TFAP2B: variants seen among roughly 807,000 people sequenced by gnomAD.
TFAP2B encodes transcription factor AP-2 beta.
TFAP2B carries 9 observed loss-of-function variants against 44.3 expected under a neutral mutation model. The observed-to-expected ratio is 0.20, with a 90% CI of 0.12 to 0.35. The LOEUF (loss-of-function observed/expected upper bound fraction) is 0.35. Among genes scored for constraint, TFAP2B ranks in the 10% least tolerant of loss-of-function variants. The probability of loss-of-function intolerance (pLI) is 1.00; values close to 1 mark genes in which losing one functional copy is unlikely to be tolerated. For synonymous variants in TFAP2B, 270 were observed against 263.8 expected, an observed-to-expected ratio of 1.02 and a Z score of -0.23; for missense variants, 509 against 600.0, an observed-to-expected ratio of 0.85 and a Z score of 1.59.
At chr6:50,820,074 G>A (rs999667470) in intron 1 of TFAP2B, among the ~76,000 whole-genome samples, 2 of 152,010 alleles carry the variant, frequency 1.3e-5, no homozygotes, top group Non-Finnish European at 2.9e-5. Context: ...TAGAAAAGGA[G>A]GGAAGTCGAG....
intron 1 of TFAP2B, among the ~76,000 whole-genome samples, chr6:50,819,529 T>C (rs1157929455): frequency 6.6e-6 from 1 of 152,116 alleles, no homozygotes; most frequent in Non-Finnish European, 1.5e-5. Flanking sequence ...CGTAGCAGTT[T>C]ATTAGTTTCT....
In TFAP2B at chr6:50,823,330, T is replaced by C. The variant is rs577327152; in HGVS notation, c.82-77T>C. 297 of 1,279,772 alleles carry C rather than the reference T, an allele frequency of 2.3e-4. 2 individuals are homozygous for C. Among genetic ancestry groups the C allele is most frequent in the Non-Finnish European group, 7.3e-5 (66 of 900,722 alleles). The allele number at this position is 1,279,772 out of a possible 1,614,324, so 79.3% of individuals were successfully genotyped here. On this transcript the variant is annotated intron_variant, in intron 1 of 6. Transcript: ENST00000393655. ...ATTTTTTTTCTTCCTCTCTGTACTC[T>C]CTGTCTCTCTCTGCCTCTATCTCTC...
At chr6:50,837,429 C>T (rs564839487) in intron 4 of TFAP2B, among the ~76,000 whole-genome samples, 3 of 152,284 alleles carry the variant, frequency 2.0e-5, no homozygotes, top group South Asian at 4.1e-4. Context: ...CATAACTACA[C>T]TTCCAAAAGT....
Position 50,845,591 on chromosome 6 carries a change from T to C in TFAP2B, c.*2199T>C, listed in dbSNP as rs1224719013. On this transcript the variant is annotated 3_prime_UTR_variant, in exon 7 of 7. Coordinates refer to ENST00000393655, the MANE Select transcript of TFAP2B (RefSeq NM_003221.4). ...AGTGTAGTCACTCTCTTTTCCCAGC[T>C]CAGAGGCCTGCGCCTTCGTCCGAGA... The C allele has an allele frequency of 1.3e-5, 2 of 152,760 alleles. No homozygotes were observed. The highest frequency in any genetic ancestry group is 2.9e-5 in the Non-Finnish European group (2 of 68,186). 9.5% of individuals were successfully genotyped at this position (152,760 alleles called of 1,614,324 possible). A position where few individuals can be genotyped will look rare whatever the true frequency, so the allele number is the denominator to read the frequency against.
intron 3 of TFAP2B, 78 bp from the exon 4 acceptor site, chr6:50,835,983 C>A: frequency 8.4e-7 from 1 of 1,194,682 alleles, no homozygotes; most frequent in Non-Finnish European, 1.2e-6. Flanking sequence ...TGTGGCCTCA[C>A]ACAGAGACAC....
At chr6:50,819,842 GGGC>G (rs1770280900) in intron 1 of TFAP2B, among the ~76,000 whole-genome samples, 1 of 113,764 alleles carries the variant, frequency 8.8e-6, no homozygotes, top group South Asian at 2.7e-4. Context: ...CGGCCGAGGC[GGGC>G]GAGGTGGGAG....
intron 1 of TFAP2B, among the ~76,000 whole-genome samples, chr6:50,819,878 G>T (rs1317957879): frequency 1.3e-5 from 2 of 151,712 alleles, no homozygotes; most frequent in African/African-American, 2.4e-5. Context: ...TGGGAGAGGC[G>T]GCCGAGGCGG....
Position 50,823,827 on chromosome 6 carries a change from C to T in TFAP2B, c.502C>T (p.Leu168=), listed in dbSNP as rs1770428720. 6.4e-7 allele frequency: 1 copy of T among 1,567,256 alleles called. No homozygotes were observed. The highest frequency in any genetic ancestry group is 8.6e-7 in the Non-Finnish European group (1 of 1,156,710). ...CGCGGGCATGGGTGACAGCCTCTCG[C>T]TGCACGGCCTCGGCCATCCCGGAAT... ...LDAGMGDSLS[L]HGLGHPGMED... is the part of the protein sequence containing the mutation. Residue 168 remains leucine, a synonymous_variant, in exon 2 of 7, where the codon CTG becomes TTG. Coordinates refer to ENST00000393655, the MANE Select transcript of TFAP2B (RefSeq NM_003221.4).
At position 50,840,377 on chromosome 6, in the gene TFAP2B, G is replaced by A. The variant is rs1436586452; in HGVS notation, c.1082+80G>A. 8.3e-6 allele frequency: 13 copies of A among 1,567,908 alleles called. No homozygotes were observed. In the Admixed American group the frequency reaches 8.3e-5, roughly 10 times the overall value. On this transcript the variant is annotated intron_variant, in intron 6 of 6. Coordinates refer to ENST00000393655, the MANE Select transcript of TFAP2B (RefSeq NM_003221.4). ...GACTTTGGAGTAGGTGGTGGGGAGG[G>A]GCAGAGAAAGAAGCCAGAGGGTTGT...
chr6:50,829,742 T>A (rs180826848), intron 3 of TFAP2B, among the ~76,000 whole-genome samples: 152 of 152,228 alleles, frequency 1.0e-3, no homozygotes, highest in Non-Finnish European at 1.8e-3. Flanking sequence ...CAGACTCAAA[T>A]GGGATAGTAG....
Position 50,845,130 on chromosome 6 carries a change from A to C in TFAP2B, c.*1738A>C, listed in dbSNP as rs1001704206. On this transcript the variant is annotated 3_prime_UTR_variant, in exon 7 of 7. Coordinates refer to ENST00000393655, the MANE Select transcript of TFAP2B (RefSeq NM_003221.4). ...AGCAGTGAGAAATTATCCCGGGATA[A>C]GGGTGAATGAGAGAGGTCTCTAAAT... 2 of 152,220 alleles carry C rather than the reference A, an allele frequency of 1.3e-5. No homozygotes were observed. Among genetic ancestry groups the C allele is most frequent in the Admixed American group, 6.5e-5 (1 of 15,284 alleles). 9.4% of individuals were successfully genotyped at this position (152,220 alleles called of 1,614,324 possible).
intron 3 of TFAP2B, among the ~76,000 whole-genome samples, chr6:50,834,934 A>G (rs990486731): frequency 2.0e-5 from 3 of 152,216 alleles, no homozygotes; most frequent in African/African-American, 7.2e-5. Context: ...TGTAAAACCT[A>G]CATAAAGAAA....
chr6:50,825,817 C>T (rs915962171), intron 2 of TFAP2B, among the ~76,000 whole-genome samples: 1 of 152,134 alleles, frequency 6.6e-6, no homozygotes, highest in African/African-American at 2.4e-5. Flanking sequence ...TGCTTTATCT[C>T]ATTTCGTCAC....
intron 6 of TFAP2B, 138 bp downstream of exon 6, chr6:50,840,435 A>G (rs1007090898): frequency 4.4e-5 from 48 of 1,084,518 alleles, no homozygotes; most frequent in Non-Finnish European, 6.5e-5. Flanking sequence ...CTGGCAAGCA[A>G]GGTAGGCAGA....
At chr6:50,822,241 G>T in intron 1 of TFAP2B, 1 of 1,160,248 alleles carries the variant, frequency 8.6e-7, no homozygotes, top group South Asian at 1.3e-5. Context: ...CTGTGTGTGT[G>T]TGTGTCTCAC....
At chr6:50,827,876 G>A (rs984866883) in intron 2 of TFAP2B, among the ~76,000 whole-genome samples, 2 of 152,206 alleles carry the variant, frequency 1.3e-5, no homozygotes, top group South Asian at 4.1e-4. Flanking sequence ...TGGCACAGAA[G>A]ATGAACATTC....
rs151199927 is a variant in TFAP2B at position 50,828,257 on chromosome 6, C to A, written c.541-362C>A. 1.2e-3 allele frequency among the ~76,000 whole-genome samples: 187 copies of A among 152,268 alleles called. 2 individuals are homozygous for A. In the East Asian group the frequency reaches 0.027, roughly 22 times the overall value. On this transcript the variant is annotated intron_variant, in intron 2 of 6. Transcript: ENST00000393655. ...ATGCACTGGGATAGAATGGAAAACA[C>A]AAATTGCTCTTACTAATATTGGTGA...
At chr6:50,837,936 C>T in intron 4 of TFAP2B, 39 bp from the exon 5 acceptor site, 1 of 1,507,584 alleles carries the variant, frequency 6.6e-7, no homozygotes, top group Non-Finnish European at 9.2e-7. Context: ...TTCAGGAACA[C>T]TCTAAGGTTA....
At chr6:50,839,134 T>A (rs1762676893) in intron 5 of TFAP2B, among the ~76,000 whole-genome samples, 1 of 152,174 alleles carries the variant, frequency 6.6e-6, no homozygotes, top group South Asian at 2.1e-4. Context: ...AAGTTTCACA[T>A]TTTACCCTTC....
Sources: allele counts gnomAD v4.1 joint callset (sites outside exome capture counted in the v4.1 genomes callset), GRCh38; gene constraint gnomAD v4.1.1; transcripts MANE v1.5; gene names NCBI Gene and HGNC (gene_info 2026-07-23, HGNC 2026-07-21).